Variants in HFM1 observed in about 807,000 individuals in gnomAD.
HFM1 encodes the protein helicase for meiosis 1.
HFM1 carries 169 observed loss-of-function variants against 192.1 expected under a neutral mutation model. The ratio of observed to expected loss-of-function variants is 0.88; its 90% CI spans 0.78 to 1.00. The LOEUF is 1.00. HFM1 is among the 50% of genes least tolerant of loss of function. The pLI is 0.00. For missense variants in HFM1, 1,661 were observed against 1,668.0 expected (o/e 1.00, Z 0.07); for synonymous variants, 525 against 537.8 (o/e 0.98, Z 0.33).
intron 13 of HFM1, among the ~76,000 whole-genome samples, chr1:91,372,285 G>A (rs1362799464): frequency 2.0e-5 from 3 of 151,000 alleles, no homozygotes; most frequent in Non-Finnish European, 3.0e-5. Context: ...AGGCACATGT[G>A]CACGTGTGTT....
At chr1:91,319,924 T>C (rs1039504112) in intron 23 of HFM1, among the ~76,000 whole-genome samples, 1 of 152,210 alleles carries the variant, frequency 6.6e-6, no homozygotes, top group African/African-American at 2.4e-5. Context: ...CAGTAGCATA[T>C]TAGCTGGTTA....
intron 2 of HFM1, among the ~76,000 whole-genome samples, chr1:91,396,868 T>C (rs1230331412): frequency 1.3e-5 from 2 of 152,216 alleles, no homozygotes; most frequent in African/African-American, 4.8e-5. Context: ...GCTGGCCTGT[T>C]AGGAACCCGG....
rs1163545434 is a variant in HFM1, at chr1:91,328,910, A to G, written c.2336-4144T>C. Reference sequence around the variant, plus strand: ...GGCTGGCAAAGTCTATCCTGTGGCTACCGAGGACATGGACTGCTTCACCTT... The same window carrying G: ...GGCTGGCAAAGTCTATCCTGTGGCTGCCGAGGACATGGACTGCTTCACCTT... On this transcript the variant is annotated intron_variant, in intron 20 of 38. Transcript: ENST00000370425. 6.2e-6 allele frequency: 10 copies of G among 1,611,068 alleles called. No homozygotes were observed. The East Asian group carries it at 8.9e-5, about 14-fold the overall frequency.
Position 91,261,312 on chromosome 1 carries a change from C to A in HFM1, c.4286G>T (p.Gly1429Val). ...DEADEMKSLL[G>V]IFDGIF The stretch of plus-strand genomic sequence containing the variant: ...GTTTTAGAAAATACCATCAAATATT[C>A]CCAATAAAGACTTCATTTCATCAGC... The change falls in exon 39 of 39, where the codon GGA becomes GTA. Residue 1429 changes from glycine to valine, a missense_variant. Physicochemically the swap from Gly to Val is moderately radical, Grantham distance 109. Transcript: ENST00000370425. 2 of 1,405,102 alleles carry A rather than the reference C, an allele frequency of 1.4e-6. No individual in the cohort carries two copies. The highest frequency in any genetic ancestry group is 1.7e-5 in the South Asian group (1 of 59,470). The allele number at this position is 1,405,102 out of a possible 1,614,324, so 87.0% of individuals were successfully genotyped here.
Position 91,394,671 on chromosome 1 carries a change from T to C in HFM1, c.185-269A>G, listed in dbSNP as rs60610653. 8.7e-3 allele frequency among the ~76,000 whole-genome samples: 1,332 copies of C among 152,230 alleles called. 14 individuals are homozygous for C. The highest frequency in any genetic ancestry group is 0.025 in the African/African-American group (1,040 of 41,562). On this transcript the variant is annotated intron_variant, in intron 3 of 38. Coordinates refer to ENST00000370425, the MANE Select transcript of HFM1 (RefSeq NM_001017975.6). ...GTTTATATGGCACTGCATTATAAAA[T>C]AGATTTAATTTCTTTCTGACCCATA...
At chr1:91,300,736 C>G (rs380600) in intron 30 of HFM1, among the ~76,000 whole-genome samples, 13 of 151,998 alleles carry the variant, frequency 8.6e-5, no homozygotes, top group South Asian at 2.1e-4. Flanking sequence ...ATTCAACAAC[C>G]CTTCATGCTA....
chr1:91,328,733 G>A, intron 20 of HFM1: 2 of 1,609,156 alleles, frequency 1.2e-6, no homozygotes, highest in Non-Finnish European at 1.7e-6. Flanking sequence ...TCAGGCTGCT[G>A]GGGCCGAGCA....
chr1:91,287,268 A>C (rs1246470351), intron 30 of HFM1, among the ~76,000 whole-genome samples: 1 of 152,224 alleles, frequency 6.6e-6, no homozygotes, highest in Non-Finnish European at 1.5e-5. Flanking sequence ...CCTGTCTGAC[A>C]GCTTTGAAGA....
chr1:91,328,917 A>G (rs1570969703), intron 20 of HFM1: 11 of 1,611,360 alleles, frequency 6.8e-6, no homozygotes, highest in Non-Finnish European at 8.5e-6. Flanking sequence ...GCTACCGAGG[A>G]CATGGACTGC....
chr1:91,328,823 A>G, intron 20 of HFM1: 7 of 1,611,332 alleles, frequency 4.3e-6, no homozygotes, highest in Non-Finnish European at 5.1e-6. Flanking sequence ...GCTGAGCCTC[A>G]TGGGCATCCC....
At chr1:91,333,735 T>C (rs1373261506) in intron 20 of HFM1, among the ~76,000 whole-genome samples, 1 of 152,172 alleles carries the variant, frequency 6.6e-6, no homozygotes, top group East Asian at 1.9e-4. Flanking sequence ...TAAATATATA[T>C]ACTTACCATT....
chr1:91,376,414 C>A (rs928763313), intron 11 of HFM1, among the ~76,000 whole-genome samples: 2 of 151,664 alleles, frequency 1.3e-5, no homozygotes, highest in African/African-American at 4.8e-5. Context: ...CAGAGGGGAG[C>A]AGAAGGCCAA....
chr1:91,378,053 A>G lies in HFM1; in HGVS notation c.1367T>C (p.Val456Ala), dbSNP rs753904839. The change falls in exon 11 of 39, where the codon GTA (valine) becomes GCA (alanine). Residue 456 changes from valine to alanine, a missense_variant. By Grantham distance (64) the Val-to-Ala change is moderately conservative. Transcript: ENST00000370425. ...STAIPMRFVAVSATIPNAEDI... is the reference protein window; with the variant it reads ...STAIPMRFVAASATIPNAEDI... Reference sequence around the variant, plus strand: ...CTCAGCATTTGGAATTGTTGCAGATACAGCTACAAATCGCATTGGAATAGC... The same window carrying G: ...CTCAGCATTTGGAATTGTTGCAGATGCAGCTACAAATCGCATTGGAATAGC... 1.2e-6 allele frequency: 2 copies of G among 1,612,158 alleles called. No individual in the cohort carries two copies. Among genetic ancestry groups the G allele is most frequent in the South Asian group, 2.2e-5 (2 of 90,918 alleles).
intron 2 of HFM1, among the ~76,000 whole-genome samples, chr1:91,400,711 T>G (rs1006293586): frequency 1.6e-4 from 25 of 152,294 alleles, no homozygotes; most frequent in African/African-American, 4.1e-4. Flanking sequence ...CTTGAACTCC[T>G]GATTTCAGGT....
chr1:91,297,233 G>A (rs4658210), intron 30 of HFM1, among the ~76,000 whole-genome samples: 30,669 of 152,142 alleles, frequency 0.2, 3,788 homozygotes, highest in South Asian at 0.35. Context: ...AGGTGGCAGC[G>A]AGTCCGGGGG....
At chr1:91,268,732 A>T (rs1251559616) in intron 34 of HFM1, among the ~76,000 whole-genome samples, 2 of 152,062 alleles carry the variant, frequency 1.3e-5, no homozygotes, top group Non-Finnish European at 2.9e-5. Flanking sequence ...TGTAAATTCC[A>T]TATATCTAAT....
intron 30 of HFM1, among the ~76,000 whole-genome samples, chr1:91,301,155 C>G (rs1247369085): frequency 2.0e-5 from 3 of 151,292 alleles, no homozygotes; most frequent in Non-Finnish European, 4.4e-5. Context: ...ACAAACAGAG[C>G]CAAATCATGA....
chr1:91,338,194 G>T (rs942356643), intron 20 of HFM1, among the ~76,000 whole-genome samples: 1 of 152,188 alleles, frequency 6.6e-6, no homozygotes, highest in Non-Finnish European at 1.5e-5. Context: ...AGAGAGAACT[G>T]CCTGGAGAAA....
At chr1:91,290,964 C>A (rs138740300) in intron 30 of HFM1, among the ~76,000 whole-genome samples, 2 of 152,016 alleles carry the variant, frequency 1.3e-5, no homozygotes, top group Admixed American at 1.3e-4. Flanking sequence ...GGGTACATAA[C>A]GAAATGAAGG....
Sources: allele counts gnomAD v4.1 joint callset (sites outside exome capture counted in the v4.1 genomes callset), GRCh38; gene constraint gnomAD v4.1.1; transcripts MANE v1.5; gene names NCBI Gene and HGNC (gene_info 2026-07-23, HGNC 2026-07-21).